Variants in ERC1 observed in about 807,000 individuals in gnomAD.
ERC1 encodes ELKS/RAB6-interacting/CAST family member 1.
Under a neutral mutation model 132.0 loss-of-function variants are expected in ERC1, and 56 were observed. The ratio of observed to expected loss-of-function variants is 0.42; its 90% CI spans 0.34 to 0.53. The LOEUF (loss-of-function observed/expected upper bound fraction) is 0.53. Ranked by LOEUF, ERC1 falls within the 20% of genes least tolerant of loss-of-function variation. The probability of loss-of-function intolerance (pLI) is 0.03; values close to 1 mark genes in which losing one functional copy is unlikely to be tolerated. For missense variants in ERC1, 1,202 were observed against 1,349.9 expected (o/e 0.89, Z 1.72); for synonymous variants, 478 against 476.1 (o/e 1.00, Z -0.05).
intron 8 of ERC1, among the ~76,000 whole-genome samples, chr12:1,144,582 C>T (rs776973214): frequency 1.4e-5 from 2 of 140,788 alleles, no homozygotes; most frequent in Non-Finnish European, 3.0e-5. Context: ...GCCATTATTT[C>T]GTTCCTTTTT....
chr12:1,472,604 C>T (rs2093885049), intron 18 of ERC1, among the ~76,000 whole-genome samples: 2 of 150,490 alleles, frequency 1.3e-5, no homozygotes, highest in South Asian at 4.2e-4. Flanking sequence ...GAGCCGTGAT[C>T]ACACCACTGC....
At chr12:1,264,075 TGAAGA>T (rs1367182560) in intron 14 of ERC1, among the ~76,000 whole-genome samples, 1 of 152,120 alleles carries the variant, frequency 6.6e-6, no homozygotes, top group East Asian at 1.9e-4. Context: ...CCTGCCTCAT[TGAAGA>T]GAAGAGTTAA....
intron 16 of ERC1, among the ~76,000 whole-genome samples, chr12:1,376,062 C>A (rs78640590): frequency 3.5e-3 from 535 of 152,138 alleles, no homozygotes; most frequent in Non-Finnish European, 5.7e-3. Flanking sequence ...TTGTCTCTAG[C>A]CACTTTATTT....
chr12:1,453,685 T>C (rs934297736), intron 18 of ERC1, among the ~76,000 whole-genome samples: 137 of 152,306 alleles, frequency 9.0e-4, no homozygotes, highest in African/African-American at 3.1e-3. Flanking sequence ...TCCCCAGGCT[T>C]TTTTCTTTAT....
intron 17 of ERC1, chr12:1,410,589 G>A (rs1039595853): frequency 3.1e-5 from 9 of 289,716 alleles, no homozygotes; most frequent in African/African-American, 1.2e-4. Context: ...TTATTTTCAC[G>A]TGATTCTTGT....
In ERC1 at chr12:1,331,031, T is replaced by G. The variant is rs138254210; in HGVS notation, c.2781-40802T>G. ...TTTTTATTGGAGTGTATACTATACC[T>G]CTGAAAGAATATGTGTACTGTCAGT... On this transcript the variant is annotated intron_variant, in intron 15 of 18. Transcript: ENST00000360905. Among the ~76,000 whole-genome samples the G allele has an allele frequency of 4.8e-3, 724 of 152,324 alleles. 5 individuals carry two copies. The highest frequency in any genetic ancestry group is 0.017 in the African/African-American group (691 of 41,564).
At position 1,259,136 on chromosome 12, in the gene ERC1, C is replaced by T. The variant is rs899233892; in HGVS notation, c.2488-3898C>T. ...ATATTATTTACACAAATAATACTTA[C>T]ATGTCTTAGAATAATAGTCACTTCT... On this transcript the variant is annotated intron_variant, in intron 13 of 18. Transcript: ENST00000360905. Among the ~76,000 whole-genome samples, 27 of 152,100 alleles carry T rather than the reference C, an allele frequency of 1.8e-4. 1 individual carries two copies. The highest frequency in any genetic ancestry group is 4.0e-4 in the Non-Finnish European group (27 of 68,012).
At chr12:1,091,625 G>T (rs1943233751) in intron 3 of ERC1, among the ~76,000 whole-genome samples, 1 of 152,164 alleles carries the variant, frequency 6.6e-6, no homozygotes, top group Non-Finnish European at 1.5e-5. Flanking sequence ...TGCTGTCTTT[G>T]AGAAAAAGTA....
At chr12:1,358,996 T>C (rs1374664789) in intron 15 of ERC1, among the ~76,000 whole-genome samples, 1 of 152,226 alleles carries the variant, frequency 6.6e-6, no homozygotes, top group Non-Finnish European at 1.5e-5. Context: ...TTCATTCTGG[T>C]GTTTGGGAGT....
At chr12:1,113,389 CAGCT>C (rs1353523999) in intron 6 of ERC1, among the ~76,000 whole-genome samples, 1 of 152,214 alleles carries the variant, frequency 6.6e-6, no homozygotes, top group Non-Finnish European at 1.5e-5. Context: ...TAGGAAAACA[CAGCT>C]AGTAAGAGGC....
At chr12:1,370,783 A>G (rs2087133275) in intron 15 of ERC1, among the ~76,000 whole-genome samples, 1 of 152,142 alleles carries the variant, frequency 6.6e-6, no homozygotes, top group African/African-American at 2.4e-5. Flanking sequence ...GTGCAGTGGC[A>G]CCATCTCAGC....
In ERC1 at chr12:1,461,466, G is replaced by A. The variant is rs142116221; in HGVS notation, c.3213+16716G>A. Among the ~76,000 whole-genome samples, 418 of 152,156 alleles carry A rather than the reference G, an allele frequency of 2.7e-3. 2 individuals are homozygous for A. Among genetic ancestry groups the A allele is most frequent in the African/African-American group, 9.3e-3 (385 of 41,502 alleles). On this transcript the variant is annotated intron_variant, in intron 18 of 18. Transcript: ENST00000360905. ...GCAGATCACCTGAGGTCAGGATTTC[G>A]AGACCAGCCTGGCCAATGTGGGAAA...
intron 13 of ERC1, among the ~76,000 whole-genome samples, chr12:1,251,073 A>C (rs1171612330): frequency 1.3e-5 from 2 of 152,146 alleles, no homozygotes; most frequent in Non-Finnish European, 2.9e-5. Flanking sequence ...CTGTAATTTG[A>C]TTTAACTCTG....
chr12:1,156,474 T>C (rs2154258421), intron 8 of ERC1, among the ~76,000 whole-genome samples: 1 of 152,226 alleles, frequency 6.6e-6, no homozygotes, highest in Non-Finnish European at 1.5e-5. Context: ...CCTGACCTCA[T>C]GATCTGTTCA....
At chr12:1,330,196 A>G (rs551499971) in intron 15 of ERC1, among the ~76,000 whole-genome samples, 1 of 152,362 alleles carries the variant, frequency 6.6e-6, no homozygotes, top group Non-Finnish European at 1.5e-5. Flanking sequence ...GATAGCACAG[A>G]AAGGCCTATA....
intron 1 of ERC1, among the ~76,000 whole-genome samples, chr12:1,023,070 CTCTT>C (rs1966611622): frequency 4.6e-5 from 7 of 152,162 alleles, no homozygotes; most frequent in Admixed American, 3.9e-4. Context: ...TCAATTAAAC[CTCTT>C]TCTTTTATAA....
chr12:1,435,119 G>T (rs940266202), intron 17 of ERC1, among the ~76,000 whole-genome samples: 20 of 152,158 alleles, frequency 1.3e-4, no homozygotes, highest in African/African-American at 4.3e-4. Context: ...TAATCCATGG[G>T]ATCTATTCAT....
chr12:1,372,099 CTAGT>C (rs2087309235), intron 16 of ERC1, 122 bp downstream of exon 16: 1 of 1,197,534 alleles, frequency 8.4e-7, no homozygotes, highest in Non-Finnish European at 1.1e-6. Context: ...ATCATTGGAG[CTAGT>C]TAGTTTCCAT....
intron 12 of ERC1, among the ~76,000 whole-genome samples, chr12:1,200,853 C>T (rs1350300494): frequency 2.0e-5 from 3 of 152,150 alleles, no homozygotes; most frequent in African/African-American, 7.2e-5. Context: ...CCACTGCACC[C>T]GGCCCACATT....
Sources: allele counts gnomAD v4.1 joint callset (sites outside exome capture counted in the v4.1 genomes callset), GRCh38; gene constraint gnomAD v4.1.1; transcripts MANE v1.5; gene names NCBI Gene and HGNC (gene_info 2026-07-23, HGNC 2026-07-21).